The following TTC8 variants were observed in gnomAD, a reference collection of about 807,000 sequenced individuals.
TTC8 encodes tetratricopeptide repeat domain 8.
Under a neutral mutation model 72.5 loss-of-function variants are expected in TTC8, and 47 were observed. The ratio of observed to expected loss-of-function variants is 0.65; its 90% confidence interval spans 0.51 to 0.83. The LOEUF is 0.83. TTC8 is among the 40% of genes least tolerant of loss of function. TTC8 has a pLI of 0.00. For missense variants in TTC8, 611 were observed against 623.2 expected, an observed-to-expected ratio of 0.98 and a Z score of 0.21; for synonymous variants, 199 against 221.4, an observed-to-expected ratio of 0.90 and a Z score of 0.90.
chr14:88,837,700 C>G (rs1039785937), intron 2 of TTC8, among the ~76,000 whole-genome samples: 2 of 152,156 alleles, frequency 1.3e-5, no homozygotes, highest in Non-Finnish European at 2.9e-5. Flanking sequence ...TCAGTATTGC[C>G]TATTTCCATC....
intron 2 of TTC8, among the ~76,000 whole-genome samples, chr14:88,835,097 A>G (rs2094744504): frequency 6.6e-6 from 1 of 152,146 alleles, no homozygotes. Flanking sequence ...CTAAGTTTTC[A>G]TTTTCATAGA....
At chr14:88,852,774 G>A (rs533402797) in intron 7 of TTC8, among the ~76,000 whole-genome samples, 197 bp from the exon 8 acceptor site, 8 of 152,160 alleles carry the variant, frequency 5.3e-5, no homozygotes, top group Admixed American at 5.2e-4. Context: ...TATCTCATCT[G>A]CTATTAGCCC....
chr14:88,824,822 G>A lies in TTC8; in HGVS notation c.114+1G>A. 2 of 1,611,016 alleles carry A rather than the reference G, an allele frequency of 1.2e-6. No homozygotes were observed. The highest frequency in any genetic ancestry group is 1.7e-6 in the Non-Finnish European group (2 of 1,178,236). Reference sequence around the variant, plus strand: ...GCTGGAGAAGTCCCCTTATGACCAGGTACCGGCCAGCTCCCGTCAGCCTGT... The same window carrying A: ...GCTGGAGAAGTCCCCTTATGACCAGATACCGGCCAGCTCCCGTCAGCCTGT... On this transcript the variant is annotated splice_donor_variant, in intron 1 of 14. Transcript: ENST00000380656. LOFTEE classifies it high-confidence loss of function.
At chr14:88,829,959 G>A (rs1229094177) in intron 1 of TTC8, among the ~76,000 whole-genome samples, 1 of 152,112 alleles carries the variant, frequency 6.6e-6, no homozygotes, top group African/African-American at 2.4e-5. Context: ...CTGTGGGGCA[G>A]GTCATTTTAT....
At chr14:88,848,803 G>C (rs1472541483) in intron 7 of TTC8, among the ~76,000 whole-genome samples, 1 of 152,110 alleles carries the variant, frequency 6.6e-6, no homozygotes, top group Non-Finnish European at 1.5e-5. Context: ...TTGAGGTTAA[G>C]ATGTATTCAT....
rs1018413317 is a variant in TTC8, at chr14:88,871,487, A to G, written c.1050-62A>G. ...TTTTAACTGTGTAAAATATATATAT[A>G]TATGTCTTAAAACTTACAAAGTTGG... On this transcript the variant is annotated intron_variant, in intron 11 of 14. Coordinates refer to ENST00000380656, the MANE Select transcript of TTC8 (RefSeq NM_144596.4). The surrounding 1 kb of genome is among the most constrained non-coding windows in gnomAD (Gnocchi z 4.1). 3 of 1,379,214 alleles carry G rather than the reference A, an allele frequency of 2.2e-6. No homozygotes were observed. The highest frequency in any genetic ancestry group is 1.2e-5 in the South Asian group (1 of 83,188). 85.4% of individuals were successfully genotyped at this position (1,379,214 alleles called of 1,614,324 possible).
intron 8 of TTC8, among the ~76,000 whole-genome samples, chr14:88,856,714 AC>A (rs1461815826): frequency 6.6e-6 from 1 of 152,240 alleles, no homozygotes; most frequent in Non-Finnish European, 1.5e-5. Context: ...TAACTATATT[AC>A]CCAAGTGCTA....
At chr14:88,874,806 G>A (rs1566861682) in intron 13 of TTC8, among the ~76,000 whole-genome samples, 1 of 151,984 alleles carries the variant, frequency 6.6e-6, no homozygotes, top group Non-Finnish European at 1.5e-5. Context: ...GTCTTATGAA[G>A]CATTTATTAT....
At chr14:88,868,200 C>T (rs936570514) in intron 10 of TTC8, among the ~76,000 whole-genome samples, 1 of 152,174 alleles carries the variant, frequency 6.6e-6, no homozygotes. Flanking sequence ...AACCTACAGA[C>T]TTTCTCCACT....
intron 10 of TTC8, among the ~76,000 whole-genome samples, chr14:88,862,519 C>A (rs377322752): frequency 8.1e-5 from 8 of 99,004 alleles, no homozygotes; most frequent in East Asian, 3.4e-4. Flanking sequence ...ACATTACATT[C>A]CATTCTCTCT....
chr14:88,825,827 A>C (rs2094697107), intron 1 of TTC8, among the ~76,000 whole-genome samples: 1 of 152,202 alleles, frequency 6.6e-6, no homozygotes, highest in African/African-American at 2.4e-5. Context: ...TAACCTGCTG[A>C]GATGAACATT....
chr14:88,868,229 T>C (rs535632772), intron 10 of TTC8, among the ~76,000 whole-genome samples: 1 of 152,348 alleles, frequency 6.6e-6, no homozygotes, highest in East Asian at 1.9e-4. Context: ...CTTATTATTT[T>C]TCATAAAAAT....
At chr14:88,832,573 A>C (rs78260921) in intron 1 of TTC8, among the ~76,000 whole-genome samples, 3,310 of 152,160 alleles carry the variant, frequency 0.022, 116 homozygotes, top group East Asian at 0.16. Context: ...AACATCTCTG[A>C]ATTTGTTTCC....
At chr14:88,876,738 A>T (rs1416380711) in intron 14 of TTC8, among the ~76,000 whole-genome samples, 1 of 152,148 alleles carries the variant, frequency 6.6e-6, no homozygotes, top group Non-Finnish European at 1.5e-5. Context: ...TTAAAACCAG[A>T]TATTTTCCCA....
rs370326452 is a variant in TTC8 at position 88,824,827 on chromosome 14, G to A, written c.114+6G>A. ...AGAAGTCCCCTTATGACCAGGTACC[G>A]GCCAGCTCCCGTCAGCCTGTGCATC... On this transcript the variant is annotated splice_donor_region_variant and intron_variant, in intron 1 of 14. Transcript: ENST00000380656. 43 of 1,609,486 alleles carry A rather than the reference G, an allele frequency of 2.7e-5. No homozygotes were observed. The highest frequency in any genetic ancestry group is 3.2e-5 in the Non-Finnish European group (38 of 1,177,166).
At chr14:88,856,659 A>T (rs1183317322) in intron 8 of TTC8, among the ~76,000 whole-genome samples, 1 of 152,234 alleles carries the variant, frequency 6.6e-6, no homozygotes, top group Non-Finnish European at 1.5e-5. Flanking sequence ...TCAGTATCAG[A>T]TATCTAATAA....
intron 6 of TTC8, among the ~76,000 whole-genome samples, chr14:88,843,276 G>A (rs1233868358): frequency 6.6e-6 from 1 of 152,170 alleles, no homozygotes; most frequent in East Asian, 1.9e-4. Flanking sequence ...CCACCGCCAG[G>A]TGATTCCAAT....
At chr14:88,828,318 C>T (rs2140951829) in intron 1 of TTC8, among the ~76,000 whole-genome samples, 1 of 152,258 alleles carries the variant, frequency 6.6e-6, no homozygotes, top group East Asian at 1.9e-4. Context: ...TGGAGAGATT[C>T]ACAATCTATG....
rs1452347430 is a variant in TTC8 at position 88,877,715 on chromosome 14, C to A, written c.*305C>A. ...GTTTACAAAACATTTTGGTGAATTT[C>A]CTCAATGTTTTATAAATGTACATTT... On this transcript the variant is annotated 3_prime_UTR_variant, in exon 15 of 15. Transcript: ENST00000380656. 50 of 207,682 alleles carry A rather than the reference C, an allele frequency of 2.4e-4. No homozygotes were observed. The highest frequency in any genetic ancestry group is 5.8e-5 in the Non-Finnish European group (6 of 102,590). 12.9% of individuals were successfully genotyped at this position (207,682 alleles called of 1,614,324 possible). A position where few individuals can be genotyped will look rare whatever the true frequency, so the allele number is the denominator to read the frequency against.
Sources: gnomAD v4.1 joint callset for allele counts (sites outside exome capture counted in the v4.1 genomes callset) on GRCh38, gnomAD v4.1.1 for gene constraint, Gnocchi (gnomAD v3.1) non-coding constraint, MANE v1.5 for transcripts, NCBI Gene and HGNC (gene_info 2026-07-23, HGNC 2026-07-21) for gene names.